The following PREX1 variants were observed in gnomAD, a reference collection of about 807,000 sequenced individuals.
The protein encoded by PREX1 is phosphatidylinositol 3,4,5-trisphosphate-dependent Rac exchanger 1 protein.
In PREX1, 41 loss-of-function variants were observed where a neutral mutation model predicts 198.3. The ratio of observed to expected loss-of-function variants is 0.21; its 90% CI spans 0.16 to 0.27. PREX1 has a LOEUF of 0.27. Ranked by LOEUF, PREX1 falls within the 10% of genes least tolerant of loss-of-function variation. The pLI is 1.00. For synonymous variants in PREX1, 843 were observed against 887.2 expected (o/e 0.95, Z 0.89); for missense variants, 1,620 against 2,200.7 (o/e 0.74, Z 5.28).
intron 30 of PREX1, among the ~76,000 whole-genome samples, chr20:48,639,021 A>T (rs1249266325): frequency 6.6e-6 from 1 of 152,218 alleles, no homozygotes; most frequent in African/African-American, 2.4e-5. Context: ...AGAGTCCTCT[A>T]ATCTCCCACT....
chr20:48,668,817 G>A (rs1014756101), intron 14 of PREX1, among the ~76,000 whole-genome samples: 112 of 152,300 alleles, frequency 7.4e-4, no homozygotes, highest in African/African-American at 2.6e-3. Context: ...CCCCCACGCC[G>A]TGAGGGGCCG....
rs1026294321 is a variant in PREX1, at chr20:48,684,721, A to C, written c.1335-3386T>G. Among the ~76,000 whole-genome samples the C allele has an allele frequency of 3.3e-5, 5 of 151,882 alleles. No homozygotes were observed. Among genetic ancestry groups the C allele is most frequent in the African/African-American group, 1.2e-4 (5 of 41,418 alleles). ...TCCTCCAGTGGCTTCCCACAGCACC[A>C]AGACGGAAATGTGAGCTGCCTGCCA... is the stretch of plus-strand genomic sequence containing the variant. On this transcript the variant is annotated intron_variant, in intron 10 of 39. Coordinates refer to ENST00000371941, the MANE Select transcript of PREX1 (RefSeq NM_020820.4). This position sits in a 1 kb window ranked among gnomAD's most constrained non-coding sequence, Gnocchi z 4.2.
In PREX1 at chr20:48,768,795, G is replaced by A. The variant is rs144282427; in HGVS notation, c.220-20915C>T. Among the ~76,000 whole-genome samples, 1,179 of 151,872 alleles carry A rather than the reference G, an allele frequency of 7.8e-3. 10 individuals carry two copies. Among genetic ancestry groups the A allele is most frequent in the African/African-American group, 0.015 (612 of 41,402 alleles). On this transcript the variant is annotated intron_variant, in intron 1 of 39. Coordinates refer to ENST00000371941, the MANE Select transcript of PREX1 (RefSeq NM_020820.4). ...GCCTCAAAAAAAAAAAAGAAAAGTCGTCATTCAAGGCTGGATAAAGACTGG... is the reference window on the plus strand; with the variant it reads ...GCCTCAAAAAAAAAAAAGAAAAGTCATCATTCAAGGCTGGATAAAGACTGG...
the PREX1 span, among the ~76,000 whole-genome samples, chr20:48,836,829 C>T: frequency 2.0e-5 from 3 of 147,062 alleles, no homozygotes; most frequent in East Asian, 2.0e-4. Context: ...GCAGGAAAAT[C>T]GCTTGAACCC....
chr20:48,775,398 C>A (rs527261920), intron 1 of PREX1, among the ~76,000 whole-genome samples: 2 of 151,956 alleles, frequency 1.3e-5, no homozygotes, highest in East Asian at 3.9e-4. Context: ...CAGCTGAGAC[C>A]CAGATGAGGT....
intron 39 of PREX1, among the ~76,000 whole-genome samples, chr20:48,626,604 G>A (rs1402325791): frequency 2.6e-5 from 4 of 152,228 alleles, no homozygotes; most frequent in Admixed American, 6.5e-5. Context: ...GGCAAAGGCC[G>A]TGAAGGTATT....
At chr20:48,750,866 G>C (rs1355246297) in intron 1 of PREX1, among the ~76,000 whole-genome samples, 2 of 152,202 alleles carry the variant, frequency 1.3e-5, no homozygotes, top group African/African-American at 2.4e-5. Flanking sequence ...AAACTGGTGA[G>C]TCTGAGTTTC....
At chr20:48,635,373 A>G (rs909479716) in intron 32 of PREX1, among the ~76,000 whole-genome samples, 1 of 152,088 alleles carries the variant, frequency 6.6e-6, no homozygotes, top group Non-Finnish European at 1.5e-5. Context: ...CAAACAATAC[A>G]TCCTACAAGT....
In PREX1 at chr20:48,657,119, A is replaced by C. The variant is rs1334835333; in HGVS notation, c.2044T>G (p.Ser682Ala). ...TGGTTGAGGATGGACTCCACCTCTG[A>C]AAACGGCCGCAGGAACACCAGGTCC... ...NEDLVFLRPF[S>A]EVESILNQSF... The change falls in exon 18 of 40, where the codon TCA becomes GCA. Residue 682 changes from serine (S) to alanine (A), a missense_variant. Physicochemically the swap from Ser to Ala is moderately conservative, Grantham distance 99. Transcript: ENST00000371941. 3.1e-6 allele frequency: 5 copies of C among 1,612,380 alleles called. No homozygotes were observed. Among genetic ancestry groups the C allele is most frequent in the South Asian group, 1.1e-5 (1 of 90,548 alleles).
chr20:48,763,028 T>C (rs1259196401), intron 1 of PREX1, among the ~76,000 whole-genome samples: 1 of 152,234 alleles, frequency 6.6e-6, no homozygotes, highest in Non-Finnish European at 1.5e-5. Flanking sequence ...TCTGAAGTGA[T>C]GAAATGGTCC....
intron 1 of PREX1, among the ~76,000 whole-genome samples, chr20:48,791,059 A>G (rs1382195827): frequency 6.6e-6 from 1 of 152,162 alleles, no homozygotes; most frequent in South Asian, 2.1e-4. Flanking sequence ...GCGCATGTGC[A>G]TGAATAATGC....
intron 36 of PREX1, among the ~76,000 whole-genome samples, chr20:48,630,412 T>G (rs554690054): frequency 1.6e-3 from 243 of 152,268 alleles, no homozygotes; most frequent in Non-Finnish European, 3.1e-3. Context: ...TTGAAACACA[T>G]AAACAAAAAG....
chr20:48,789,310 C>A (rs1221553034), intron 1 of PREX1, among the ~76,000 whole-genome samples: 2 of 152,210 alleles, frequency 1.3e-5, no homozygotes, highest in East Asian at 3.8e-4. Flanking sequence ...GGACAACCTG[C>A]AGAGCCTCAG....
At chr20:48,699,536 A>G (rs991195539) in intron 7 of PREX1, among the ~76,000 whole-genome samples, 18 of 151,928 alleles carry the variant, frequency 1.2e-4, no homozygotes, top group Admixed American at 8.5e-4. Context: ...CCTCTCTCCA[A>G]TCATTCACCC....
chr20:48,699,632 C>T (rs1258922975), intron 7 of PREX1, among the ~76,000 whole-genome samples: 1 of 152,140 alleles, frequency 6.6e-6, no homozygotes, highest in Non-Finnish European at 1.5e-5. Context: ...ACTTACCCAT[C>T]CATCAACATG....
At chr20:48,844,465 T>G in the PREX1 span, among the ~76,000 whole-genome samples, 2 of 152,174 alleles carry the variant, frequency 1.3e-5, no homozygotes, top group South Asian at 2.1e-4. Context: ...AGCAGGCAGA[T>G]CTTAATGAAA....
chr20:48,708,058 T>C (rs1191922519), intron 6 of PREX1, among the ~76,000 whole-genome samples: 1 of 152,208 alleles, frequency 6.6e-6, no homozygotes, highest in Non-Finnish European at 1.5e-5. Context: ...GGGCCCAGTG[T>C]CACCAAGTTT....
intron 1 of PREX1, among the ~76,000 whole-genome samples, chr20:48,800,809 G>A (rs2090383215): frequency 6.6e-6 from 1 of 151,980 alleles, no homozygotes; most frequent in Admixed American, 6.6e-5. Context: ...TAACCACTCT[G>A]GATGCAAATA....
At chr20:48,887,722 G>A in the PREX1 span, among the ~76,000 whole-genome samples, 3 of 152,122 alleles carry the variant, frequency 2.0e-5, no homozygotes, top group Admixed American at 6.6e-5. Flanking sequence ...CGAGGTGGGC[G>A]GATCACGATG....
Sources: gnomAD v4.1 joint callset for allele counts (sites outside exome capture counted in the v4.1 genomes callset) on GRCh38, gnomAD v4.1.1 for gene constraint, Gnocchi (gnomAD v3.1) non-coding constraint, MANE v1.5 for transcripts, NCBI Gene and HGNC (gene_info 2026-07-23, HGNC 2026-07-21) for gene names.